The following USP34 variants were observed in gnomAD, a reference collection of about 807,000 sequenced individuals.
The protein encoded by USP34 is ubiquitin carboxyl-terminal hydrolase 34.
A neutral mutation model predicts 460.3 loss-of-function variants in USP34; 70 were observed. That is an observed-to-expected ratio of 0.15 (90% CI 0.13 to 0.19). The LOEUF is 0.19. USP34 is among the 10% of genes least tolerant of loss of function. The pLI, the probability that USP34 is intolerant of heterozygous loss-of-function variation, is 1.00. For missense variants in USP34, 3,985 were observed against 4,236.2 expected (o/e 0.94, Z 1.65); for synonymous variants, 1,647 against 1,405.3 (o/e 1.17, Z -3.85).
chr2:61,456,409 A>G (rs532702169), intron 1 of USP34, among the ~76,000 whole-genome samples: 1 of 152,356 alleles, frequency 6.6e-6, no homozygotes, highest in Admixed American at 6.5e-5. Context: ...AGGTTTTGGA[A>G]AAAGCAGCCT....
chr2:61,296,128 C>G (rs1458867452), intron 30 of USP34, among the ~76,000 whole-genome samples: 1 of 152,038 alleles, frequency 6.6e-6, no homozygotes, highest in Non-Finnish European at 1.5e-5. Flanking sequence ...GCATGGTGCA[C>G]ACGCCTATGG....
At chr2:61,313,762 T>C (rs1690664352) in intron 25 of USP34, among the ~76,000 whole-genome samples, 1 of 152,110 alleles carries the variant, frequency 6.6e-6, no homozygotes, top group South Asian at 2.1e-4. Context: ...AATGTCCAAA[T>C]GTTTCAAATC....
intron 61 of USP34, among the ~76,000 whole-genome samples, chr2:61,227,736 C>CAAA (rs11328095): frequency 6.8e-6 from 1 of 148,136 alleles, no homozygotes; most frequent in African/African-American, 2.5e-5. Flanking sequence ...AACAAACAAA[C>CAAA]AAAAAAAAAA....
chr2:61,405,227 C>A (rs1573008983), intron 3 of USP34, among the ~76,000 whole-genome samples: 1 of 54,778 alleles, frequency 1.8e-5, no homozygotes, highest in Non-Finnish European at 3.3e-5. Context: ...AGAGAGACTC[C>A]ATCTCAAAAA....
intron 29 of USP34, among the ~76,000 whole-genome samples, chr2:61,299,580 A>G (rs1690155203): frequency 6.6e-6 from 1 of 151,986 alleles, no homozygotes; most frequent in African/African-American, 2.4e-5. Flanking sequence ...TAGAGAGACC[A>G]TGTCTACAAA....
chr2:61,405,712 A>G lies in USP34; in HGVS notation c.548T>C (p.Ile183Thr), dbSNP rs1258026980. The G allele has an allele frequency of 1.3e-6, 2 of 1,540,278 alleles. 1 individual carries two copies. Among genetic ancestry groups the G allele is most frequent in the Admixed American group, 4.3e-5 (2 of 46,184 alleles). ...CACACCACCTATTTTACATACCTCA[A>G]TAGTAGGGTGAGTATTATGCTTGTA... ...TAYKHNTHPT[I>T]EDISTQESNI... Residue 183 changes from isoleucine (I) to threonine (T), a missense_variant, in exon 3 of 80, where the codon ATT becomes ACT. By Grantham distance (89) the Ile-to-Thr change is moderately conservative. This residue lies in a region of USP34 where 331 missense variants were observed against 293.7 expected (regional missense o/e 1.13). Coordinates refer to ENST00000398571, the MANE Select transcript of USP34 (RefSeq NM_014709.4).
At chr2:61,458,752 G>A (rs1259067268) in intron 1 of USP34, among the ~76,000 whole-genome samples, 1 of 151,584 alleles carries the variant, frequency 6.6e-6, no homozygotes, top group Non-Finnish European at 1.5e-5. Context: ...TTCAAACAGG[G>A]CCCACTTGAA....
chr2:61,260,091 G>A (rs1688834419), intron 43 of USP34, among the ~76,000 whole-genome samples: 1 of 151,914 alleles, frequency 6.6e-6, no homozygotes, highest in African/African-American at 2.4e-5. Context: ...CACTTCAGGT[G>A]CAATCAAAGT....
At chr2:61,279,244 A>G (rs1036235969) in intron 39 of USP34, among the ~76,000 whole-genome samples, 2 of 152,232 alleles carry the variant, frequency 1.3e-5, no homozygotes, top group African/African-American at 4.8e-5. Context: ...CTAAAAAGCA[A>G]AAAGTATAAA....
chr2:61,318,985 G>T (rs1297817789), intron 22 of USP34, among the ~76,000 whole-genome samples, 188 bp downstream of exon 22: 3 of 151,766 alleles, frequency 2.0e-5, no homozygotes, highest in African/African-American at 4.8e-5. Flanking sequence ...TTAATTTAGA[G>T]GTAAACAGTG....
chr2:61,193,741 A>G (rs1686710120), intron 75 of USP34, among the ~76,000 whole-genome samples: 1 of 152,206 alleles, frequency 6.6e-6, no homozygotes, highest in Non-Finnish European at 1.5e-5. Flanking sequence ...ATCATGGAGA[A>G]GAAGAAATAT....
intron 20 of USP34, among the ~76,000 whole-genome samples, chr2:61,329,819 T>C (rs1345485957): frequency 6.6e-6 from 1 of 152,214 alleles, no homozygotes; most frequent in Non-Finnish European, 1.5e-5. Context: ...GGTAAATAAT[T>C]GGAATTAGAA....
At chr2:61,222,499 G>A (rs1256992436) in intron 65 of USP34, 120 bp downstream of exon 65, 4 of 695,604 alleles carry the variant, frequency 5.8e-6, no homozygotes, top group Non-Finnish European at 9.7e-6. Flanking sequence ...TTAAAAATAG[G>A]TTATTATGTT....
At chr2:61,229,730 A>G (rs1687837760) in intron 58 of USP34, 97 bp from the exon 59 acceptor site, 1 of 1,015,856 alleles carries the variant, frequency 9.8e-7, no homozygotes, top group Non-Finnish European at 1.5e-6. Context: ...ACCCATTTAT[A>G]GTTTGCACAA....
intron 48 of USP34, chr2:61,250,714 G>C (rs1489858169): frequency 2.0e-5 from 3 of 152,630 alleles, no homozygotes; most frequent in South Asian, 2.1e-4. Context: ...ATCCTTGTAT[G>C]GCTGCATCAC....
Position 61,220,406 on chromosome 2 carries a change from G to A in USP34, c.7951C>T (p.Pro2651Ser). The change falls in exon 67 of 80, where the codon CCC (proline) becomes TCC (serine). Residue 2651 changes from proline to serine, a missense_variant. By Grantham distance (74) the Pro-to-Ser change is moderately conservative (BLOSUM62 -1). Around this residue, in one of 14 missense-constraint regions of USP34, gnomAD observed 604 missense variants for 684.8 expected, o/e 0.88. Coordinates refer to ENST00000398571, the MANE Select transcript of USP34 (RefSeq NM_014709.4). Reference sequence around the variant, plus strand: ...CAGCTGTGTGCCAGTTTATTTCGGGGTGTCTGCACTGCCAACCAATCTAGA... The same window carrying A: ...CAGCTGTGTGCCAGTTTATTTCGGGATGTCTGCACTGCCAACCAATCTAGA... ...QCLDWLAVQTPRNKLAHSWVL... is the reference protein window; with the variant it reads ...QCLDWLAVQTSRNKLAHSWVL... 1.2e-6 allele frequency: 2 copies of A among 1,613,872 alleles called. No homozygotes were observed. Among genetic ancestry groups the A allele is most frequent in the Non-Finnish European group, 1.7e-6 (2 of 1,179,920 alleles).
intron 39 of USP34, among the ~76,000 whole-genome samples, chr2:61,279,098 GTT>G (rs755952216): frequency 7.1e-6 from 1 of 140,564 alleles, no homozygotes; most frequent in Admixed American, 7.1e-5. Context: ...AGCCCAGGTT[GTT>G]TTTTTTTTTT....
intron 75 of USP34, chr2:61,194,196 G>A: frequency 1.0e-6 from 1 of 985,366 alleles, no homozygotes; most frequent in Non-Finnish European, 1.2e-6. Flanking sequence ...CCACAGGTAA[G>A]CCAATTTATT....
chr2:61,403,992 CAAAAA>C (rs71405114), intron 3 of USP34, among the ~76,000 whole-genome samples: 6 of 29,106 alleles, frequency 2.1e-4, no homozygotes, highest in Non-Finnish European at 2.9e-4. Flanking sequence ...GACTCTATCT[CAAAAA>C]AAAAAAAAAA....
Sources: gnomAD v4.1 joint callset for allele counts (sites outside exome capture counted in the v4.1 genomes callset) on GRCh38, gnomAD v4.1.1 for gene constraint, gnomAD v4.1.1 regional missense constraint, MANE v1.5 for transcripts, NCBI Gene and HGNC (gene_info 2026-07-23, HGNC 2026-07-21) for gene names.